The following TRIQK variants were observed in gnomAD, a reference collection of about 807,000 sequenced individuals.
The protein encoded by TRIQK is triple QxxK/R motif-containing protein.
TRIQK carries 10 observed loss-of-function variants against 10.8 expected under a neutral mutation model. The ratio of observed to expected loss-of-function variants is 0.92; its 90% CI spans 0.57 to 1.57. TRIQK has a LOEUF of 1.57. Among genes scored for constraint, TRIQK ranks in the 40% most tolerant of loss-of-function variants. The pLI is 0.00. For missense variants in TRIQK, 107 were observed against 97.7 expected, an observed-to-expected ratio of 1.09 and a Z score of -0.40; for synonymous variants, 33 against 33.7, an observed-to-expected ratio of 0.98 and a Z score of 0.07.
chr8:92,967,821 C>CAAA (rs34531122), upstream of TRIQK, among the ~76,000 whole-genome samples: 12 of 82,176 alleles, frequency 1.5e-4, no homozygotes, highest in African/African-American at 2.2e-4. Flanking sequence ...GACTCCATCT[C>CAAA]AAAAAAAAAA....
At chr8:92,914,015 T>C (rs1049701199) in intron 3 of TRIQK, among the ~76,000 whole-genome samples, 17 of 152,094 alleles carry the variant, frequency 1.1e-4, no homozygotes. Context: ...AAATACCTAA[T>C]ATAGATGACG....
At chr8:92,948,081 T>G (rs1314970118) in intron 2 of TRIQK, among the ~76,000 whole-genome samples, 1 of 152,172 alleles carries the variant, frequency 6.6e-6, no homozygotes, top group African/African-American at 2.4e-5. Flanking sequence ...ACCCATATAC[T>G]GCAAACAAAA....
At chr8:92,966,978 T>TAAAAAAAAAAAAAAAAAA, upstream of TRIQK, among the ~76,000 whole-genome samples, 1 of 2,420 alleles carries the variant, frequency 4.1e-4, no homozygotes, top group Admixed American at 4.4e-3. Context: ...GAAAGTAGCA[T>TAAAAAAAAAAAAAAAAAA]ACAAAAAAAA....
chr8:92,927,801 C>A, intron 2 of TRIQK: 1 of 152,100 alleles, frequency 6.6e-6, no homozygotes, highest in East Asian at 1.9e-4. Flanking sequence ...GAGGACACTA[C>A]AGTCAAATGG....
intron 4 of TRIQK, among the ~76,000 whole-genome samples, chr8:92,888,228 G>T (rs951982473): frequency 6.6e-6 from 1 of 151,604 alleles, no homozygotes; most frequent in African/African-American, 2.4e-5. Flanking sequence ...CTTAATGCAA[G>T]AATTAAGTTT....
At position 93,004,193 on chromosome 8, in the gene TRIQK, C is replaced by A. The variant is rs75192941; in HGVS notation, c.-181+13416G>T. ...CTGCTGCAGACTTCTTCACGGACAC[C>A]CAGGCATTTCCGTACATCCTCTGAA... On this transcript the variant is annotated intron_variant, in intron 1 of 4. Transcript: ENST00000520686. 4.2e-3 allele frequency among the ~76,000 whole-genome samples: 637 copies of A among 152,294 alleles called. 18 individuals are homozygous for A. In the East Asian group the frequency reaches 0.068, roughly 16 times the overall value.
At chr8:92,948,960 T>C (rs1586480240) in intron 2 of TRIQK, among the ~76,000 whole-genome samples, 2 of 152,212 alleles carry the variant, frequency 1.3e-5, no homozygotes, top group East Asian at 3.9e-4. Context: ...TTTGTGCCAA[T>C]CACTGAGTTT....
intron 4 of TRIQK, among the ~76,000 whole-genome samples, chr8:92,888,005 A>T (rs915882087): frequency 6.6e-6 from 1 of 151,706 alleles, no homozygotes; most frequent in Non-Finnish European, 1.5e-5. Context: ...TCTTTGTTGC[A>T]GTAGAAACAC....
At chr8:92,964,836 AC>A (rs1812652438) in intron 1 of TRIQK, 1 of 152,174 alleles carries the variant, frequency 6.6e-6, no homozygotes. Flanking sequence ...AGATAACGAA[AC>A]AATTATTGCC....
At chr8:92,915,751 G>A (rs1274763758) in intron 3 of TRIQK, among the ~76,000 whole-genome samples, 3 of 132,718 alleles carry the variant, frequency 2.3e-5, no homozygotes, top group African/African-American at 5.8e-5. Context: ...CACCTGCCTC[G>A]GCCTCCCAAA....
upstream of TRIQK, among the ~76,000 whole-genome samples, chr8:92,970,310 G>C (rs1812861757): frequency 6.6e-6 from 1 of 152,192 alleles, no homozygotes; most frequent in East Asian, 1.9e-4. Flanking sequence ...TATATACCAA[G>C]CAATGGGATT....
chr8:92,977,723 G>A (rs190262310), intron 1 of TRIQK, among the ~76,000 whole-genome samples: 399 of 152,086 alleles, frequency 2.6e-3, no homozygotes, highest in Non-Finnish European at 4.6e-3. Flanking sequence ...TTTATTGAAT[G>A]CTAGACATTT....
intron 3 of TRIQK, among the ~76,000 whole-genome samples, chr8:92,914,261 T>C (rs1201002891): frequency 1.3e-5 from 2 of 152,220 alleles, no homozygotes; most frequent in African/African-American, 4.8e-5. Flanking sequence ...CTTCTTTTTT[T>C]CTAGTAGTTT....
Position 92,885,285 on chromosome 8 carries a change from A to T in TRIQK, c.*1337T>A. ...AATATCTTTTAGAAACAGTGCTTAT[A>T]AAGCCCCATATACTCCTTAGATATT... On this transcript the variant is annotated 3_prime_UTR_variant, in exon 5 of 5. Transcript: ENST00000521988. 3.3e-6 allele frequency: 1 copy of T among 307,344 alleles called. No individual in the cohort carries two copies. The highest frequency in any genetic ancestry group is 6.4e-6 in the Non-Finnish European group (1 of 155,610). The allele number at this position is 307,344 out of a possible 1,614,324, so 19.0% of individuals were successfully genotyped here. A position where few individuals can be genotyped will look rare whatever the true frequency, so the allele number is the denominator to read the frequency against.
intron 2 of TRIQK, among the ~76,000 whole-genome samples, chr8:92,935,264 G>T (rs1451303716): frequency 6.6e-6 from 1 of 151,674 alleles, no homozygotes; most frequent in East Asian, 1.9e-4. Context: ...AACTGTTCAA[G>T]ATAATAAAAG....
rs568844912 is a variant in TRIQK at position 92,949,590 on chromosome 8, A to T, written c.-22+4816T>A. ...GGAAGGAAAGAAAGAAAGAGATGGAAAGAAAGAAAGAAAAGAGAAAGGAAG... is the reference window on the plus strand; with the variant it reads ...GGAAGGAAAGAAAGAAAGAGATGGATAGAAAGAAAGAAAAGAGAAAGGAAG... On this transcript the variant is annotated intron_variant, in intron 2 of 4. Transcript: ENST00000521988. Among the ~76,000 whole-genome samples the T allele has an allele frequency of 3.3e-5, 5 of 149,738 alleles. No individual in the cohort carries two copies. The East Asian group carries it at 9.9e-4, about 30-fold the overall frequency.
At chr8:92,902,759 T>C (rs575852427) in intron 3 of TRIQK, among the ~76,000 whole-genome samples, 1 of 152,146 alleles carries the variant, frequency 6.6e-6, no homozygotes, top group Non-Finnish European at 1.5e-5. Flanking sequence ...TGTTTACATT[T>C]AATAAAACTA....
At chr8:92,911,551 C>T (rs1329759831) in intron 3 of TRIQK, among the ~76,000 whole-genome samples, 1 of 151,216 alleles carries the variant, frequency 6.6e-6, no homozygotes, top group South Asian at 2.1e-4. Context: ...GATTTAATGA[C>T]ACACACAGGC....
At chr8:92,980,549 A>G (rs1812976563) in intron 1 of TRIQK, among the ~76,000 whole-genome samples, 1 of 151,994 alleles carries the variant, frequency 6.6e-6, no homozygotes, top group African/African-American at 2.4e-5. Flanking sequence ...ATCTGGGTAA[A>G]AAGTATCTGG....
Sources: gnomAD v4.1 joint callset for allele counts (sites outside exome capture counted in the v4.1 genomes callset) on GRCh38, gnomAD v4.1.1 for gene constraint, MANE v1.5 for transcripts, NCBI Gene and HGNC (gene_info 2026-07-23, HGNC 2026-07-21) for gene names.